The following FGL1 variants were observed in gnomAD, a reference collection of about 807,000 sequenced individuals.
The protein encoded by FGL1 is fibrinogen-like protein 1.
A neutral mutation model predicts 43.7 loss-of-function variants in FGL1; 59 were observed. That is an observed-to-expected ratio of 1.35 (90% confidence interval 1.10 to 1.68). FGL1 has a LOEUF of 1.68. FGL1 is among the 40% of genes most tolerant of loss of function. The pLI is 0.00. For synonymous variants in FGL1, 192 were observed against 126.5 expected (o/e 1.52, Z -3.48); for missense variants, 596 against 373.0 (o/e 1.60, Z -4.92).
chr8:17,877,608 A>G (rs1278475181), intron 3 of FGL1, among the ~76,000 whole-genome samples: 1 of 80,254 alleles, frequency 1.2e-5, no homozygotes, highest in Non-Finnish European at 3.1e-5. Flanking sequence ...CCCAGGCAAC[A>G]TAAGGAAAAA....
chr8:17,878,565 T>C (rs919008157), intron 3 of FGL1, among the ~76,000 whole-genome samples: 2 of 152,130 alleles, frequency 1.3e-5, no homozygotes, highest in African/African-American at 4.8e-5. Context: ...CACCAGTTAA[T>C]GTGAATTTGA....
chr8:17,893,383 T>G (rs1485310434), intron 1 of FGL1, among the ~76,000 whole-genome samples: 1 of 151,056 alleles, frequency 6.6e-6, no homozygotes, highest in East Asian at 1.9e-4. Context: ...CGTATATGTA[T>G]GAACATAACA....
chr8:17,882,844 T>A (rs867967105), intron 2 of FGL1, among the ~76,000 whole-genome samples: 2,056 of 114,908 alleles, frequency 0.018, 119 homozygotes, highest in African/African-American at 0.054. Flanking sequence ...TTAAATAATA[T>A]ATAATATATA....
At chr8:17,888,582 C>T (rs1218508725) in intron 1 of FGL1, among the ~76,000 whole-genome samples, 1 of 152,120 alleles carries the variant, frequency 6.6e-6, no homozygotes, top group African/African-American at 2.4e-5. Flanking sequence ...TCATTCCGAT[C>T]CTGGGGGTAG....
intron 3 of FGL1, among the ~76,000 whole-genome samples, chr8:17,878,465 C>G (rs1306520032): frequency 6.6e-6 from 1 of 152,116 alleles, no homozygotes; most frequent in Non-Finnish European, 1.5e-5. Context: ...CACTCACATG[C>G]AGACTGGGGG....
At chr8:17,875,543 T>TTCTCTCTCTCTCTCTCTCTCTCTC (rs1272838243) in intron 3 of FGL1, among the ~76,000 whole-genome samples, 1 of 16,826 alleles carries the variant, frequency 5.9e-5, no homozygotes, top group African/African-American at 1.7e-4. Flanking sequence ...TTCTCTTTCT[T>TTCTCTCTCTCTCTCTCTCTCTCTC]TCTTTCTTTC....
At chr8:17,877,158 G>A (rs2053468559) in intron 3 of FGL1, among the ~76,000 whole-genome samples, 1 of 151,976 alleles carries the variant, frequency 6.6e-6, no homozygotes, top group Non-Finnish European at 1.5e-5. Context: ...TTTTCAAAAT[G>A]TTCTGACCCA....
intron 7 of FGL1, among the ~76,000 whole-genome samples, chr8:17,866,284 C>T (rs1463708936): frequency 6.6e-6 from 1 of 152,142 alleles, no homozygotes; most frequent in African/African-American, 2.4e-5. Flanking sequence ...TGGCTGTGAA[C>T]ACTCACGTGA....
At chr8:17,875,686 C>T (rs2053446146) in intron 3 of FGL1, among the ~76,000 whole-genome samples, 1 of 151,762 alleles carries the variant, frequency 6.6e-6, no homozygotes, top group South Asian at 2.1e-4. Flanking sequence ...CTCACTACAA[C>T]CTCCGCCTCC....
chr8:17,875,572 T>C (rs529946896), intron 3 of FGL1, among the ~76,000 whole-genome samples: 212 of 20,972 alleles, frequency 0.01, 6 homozygotes, highest in African/African-American at 0.023. Context: ...TTTCTTTCTT[T>C]CTTTCTTTCT....
intron 3 of FGL1, among the ~76,000 whole-genome samples, chr8:17,881,562 G>A (rs562071669): frequency 2.0e-5 from 3 of 151,582 alleles, no homozygotes; most frequent in South Asian, 2.1e-4. Flanking sequence ...GGCTGGGCAC[G>A]GTGGCTCACG....
At chr8:17,870,465 G>C (rs1040581648) in intron 5 of FGL1, among the ~76,000 whole-genome samples, 1 of 152,184 alleles carries the variant, frequency 6.6e-6, no homozygotes, top group Non-Finnish European at 1.5e-5. Flanking sequence ...GTAAGGTCGG[G>C]TTAGAATTTA....
At chr8:17,874,767 A>G (rs2053419991) in intron 3 of FGL1, 1 of 308,342 alleles carries the variant, frequency 3.2e-6, no homozygotes, top group Non-Finnish European at 5.9e-6. Flanking sequence ...GTGAAATAAG[A>G]ATCTAGTTTT....
At chr8:17,868,506 TATC>T (rs760041139) in intron 7 of FGL1, 39 bp downstream of exon 7, 2 of 1,470,822 alleles carry the variant, frequency 1.4e-6, no homozygotes, top group African/African-American at 1.4e-5. Flanking sequence ...ATCAGTGAGA[TATC>T]ATCAACTCCA....
At chr8:17,880,280 G>A (rs2053515298) in intron 3 of FGL1, among the ~76,000 whole-genome samples, 1 of 152,172 alleles carries the variant, frequency 6.6e-6, no homozygotes, top group East Asian at 1.9e-4. Flanking sequence ...AGGGAGATAA[G>A]GATCTTGGTA....
chr8:17,872,788 T>C (rs1033157137), intron 5 of FGL1, among the ~76,000 whole-genome samples: 2 of 152,134 alleles, frequency 1.3e-5, no homozygotes, highest in Non-Finnish European at 2.9e-5. Flanking sequence ...AAAGTCGTTA[T>C]CAAAACAATG....
At chr8:17,881,931 T>C (rs947668477) in intron 3 of FGL1, 68 bp downstream of exon 3, 3 of 1,282,880 alleles carry the variant, frequency 2.3e-6, no homozygotes, top group Non-Finnish European at 3.3e-6. Context: ...CTGAAATAAC[T>C]AGCACCATCA....
intron 3 of FGL1, among the ~76,000 whole-genome samples, chr8:17,879,205 G>GT (rs2053499645): frequency 6.6e-6 from 1 of 151,760 alleles, no homozygotes; most frequent in African/African-American, 2.4e-5. Context: ...TAATTATAAT[G>GT]TTTTTTCTGA....
intron 1 of FGL1, among the ~76,000 whole-genome samples, chr8:17,889,403 A>G (rs1162311489): frequency 2.6e-5 from 4 of 152,122 alleles, no homozygotes; most frequent in Non-Finnish European, 5.9e-5. Flanking sequence ...TACAAAAATT[A>G]GCCAGGTGTG....
Sources: allele counts gnomAD v4.1 joint callset (sites outside exome capture counted in the v4.1 genomes callset), GRCh38; gene constraint gnomAD v4.1.1; transcripts MANE v1.5; gene names NCBI Gene and HGNC (gene_info 2026-07-23, HGNC 2026-07-21).